Variants in RCAN2 observed in about 807,000 individuals in gnomAD.
RCAN2 encodes regulator of calcineurin 2.
Under a neutral mutation model 23.6 loss-of-function variants are expected in RCAN2, and 9 were observed. The ratio of observed to expected loss-of-function variants is 0.38; its 90% CI spans 0.23 to 0.67. The LOEUF is 0.67. RCAN2 is among the 30% of genes least tolerant of loss of function. RCAN2 has a pLI of 0.51. For synonymous variants in RCAN2, 109 were observed against 115.7 expected, an observed-to-expected ratio of 0.94 and a Z score of 0.37; for missense variants, 273 against 302.3, an observed-to-expected ratio of 0.90 and a Z score of 0.72.
At chr6:46,241,565 T>A (rs1766306756) in intron 4 of RCAN2, among the ~76,000 whole-genome samples, 1 of 152,194 alleles carries the variant, frequency 6.6e-6, no homozygotes, top group African/African-American at 2.4e-5. Context: ...AGAAATAAAA[T>A]GTGAGGGAAC....
chr6:46,403,709 T>C (rs1442633116), intron 2 of RCAN2, among the ~76,000 whole-genome samples: 1 of 152,092 alleles, frequency 6.6e-6, no homozygotes, highest in African/African-American at 2.4e-5. Flanking sequence ...CTAGAAAATA[T>C]TTTTCATTCC....
intron 2 of RCAN2, among the ~76,000 whole-genome samples, chr6:46,448,864 C>G (rs1418679104): frequency 1.3e-5 from 2 of 151,810 alleles, no homozygotes; most frequent in Non-Finnish European, 3.0e-5. Context: ...AAACTCACAG[C>G]TGACAGCATA....
At chr6:46,469,138 G>C (rs1768480704) in intron 1 of RCAN2, among the ~76,000 whole-genome samples, 1 of 152,254 alleles carries the variant, frequency 6.6e-6, no homozygotes, top group Admixed American at 6.5e-5. Context: ...AGATGGAGCT[G>C]TCTGCCCTTG....
intron 2 of RCAN2, among the ~76,000 whole-genome samples, chr6:46,401,389 G>T (rs993219985): frequency 6.6e-6 from 1 of 152,156 alleles, no homozygotes; most frequent in Admixed American, 6.5e-5. Flanking sequence ...GTTTGAACAT[G>T]GGGGAGACAG....
chr6:46,435,123 A>G (rs942254177), intron 2 of RCAN2, among the ~76,000 whole-genome samples: 4 of 152,250 alleles, frequency 2.6e-5, no homozygotes, highest in African/African-American at 9.6e-5. Context: ...AGTATTATAC[A>G]AATGACAACC....
At chr6:46,353,657 A>G (rs1764736084) in intron 2 of RCAN2, among the ~76,000 whole-genome samples, 1 of 152,086 alleles carries the variant, frequency 6.6e-6, no homozygotes, top group South Asian at 2.1e-4. Flanking sequence ...AGGGTTATTC[A>G]TTACTCCCAC....
intron 4 of RCAN2, among the ~76,000 whole-genome samples, chr6:46,234,257 G>C (rs1348244981): frequency 1.3e-5 from 2 of 152,126 alleles, no homozygotes; most frequent in Non-Finnish European, 2.9e-5. Context: ...TTCTATTCTT[G>C]GACACTTTCT....
chr6:46,415,322 A>G (rs1362551064), intron 2 of RCAN2, among the ~76,000 whole-genome samples: 1 of 152,194 alleles, frequency 6.6e-6, no homozygotes, highest in Non-Finnish European at 1.5e-5. Context: ...GACAGTCTGA[A>G]TCAAACATGT....
chr6:46,467,079 AC>A (rs1319442565), intron 1 of RCAN2, among the ~76,000 whole-genome samples: 1 of 152,000 alleles, frequency 6.6e-6, no homozygotes, highest in Non-Finnish European at 1.5e-5. Context: ...TTGCGCTTGC[AC>A]CTCTTGGGAC....
intron 2 of RCAN2, among the ~76,000 whole-genome samples, chr6:46,417,274 G>C (rs780615739): frequency 4.6e-5 from 7 of 152,150 alleles, no homozygotes; most frequent in Non-Finnish European, 7.4e-5. Context: ...CTGAGTGTTA[G>C]CTTCATTCAC....
At chr6:46,332,757 T>C (rs1292777485) in intron 2 of RCAN2, among the ~76,000 whole-genome samples, 3 of 152,132 alleles carry the variant, frequency 2.0e-5, no homozygotes, top group Non-Finnish European at 4.4e-5. Flanking sequence ...TGAATAGTGC[T>C]GCAATAAACA....
rs181348260 is a variant in RCAN2 at position 46,461,390 on chromosome 6, C to G, written c.-2-4412G>C. On this transcript the variant is annotated intron_variant, in intron 1 of 4. Transcript: ENST00000371374. ...TTTGGAAAGCATAAGTTTCCATCAC[C>G]TTATGCATGTGGAAAAGAAAAACCA... Among the ~76,000 whole-genome samples, 3 of 152,162 alleles carry G rather than the reference C, an allele frequency of 2.0e-5. No homozygotes were observed. The East Asian group carries it at 5.8e-4, about 29-fold the overall frequency.
chr6:46,436,376 C>A (rs917371062), intron 2 of RCAN2, among the ~76,000 whole-genome samples: 4 of 152,208 alleles, frequency 2.6e-5, no homozygotes, highest in Admixed American at 2.0e-4. Flanking sequence ...GCATGCCCGG[C>A]TAATTTTTTT....
chr6:46,456,698 T>C lies in RCAN2; in HGVS notation c.225+54A>G, dbSNP rs1768042583. The C allele has an allele frequency of 6.3e-6, 8 of 1,262,172 alleles. No individual in the cohort carries two copies. The South Asian group carries it at 7.8e-5, about 12-fold the overall frequency. The allele number at this position is 1,262,172 out of a possible 1,614,324, so 78.2% of individuals were successfully genotyped here. A position where few individuals can be genotyped will look rare whatever the true frequency, so the allele number is the denominator to read the frequency against. On this transcript the variant is annotated intron_variant, in intron 2 of 4. Transcript: ENST00000371374. ...AACCACAAATGAACAACAGGATTACTTGGAGATAATGCCATATCTCCCCAT... is the reference window on the plus strand; with the variant it reads ...AACCACAAATGAACAACAGGATTACCTGGAGATAATGCCATATCTCCCCAT...
chr6:46,479,070 C>T (rs561133110), intron 1 of RCAN2, among the ~76,000 whole-genome samples: 2 of 152,160 alleles, frequency 1.3e-5, no homozygotes, highest in African/African-American at 2.4e-5. Flanking sequence ...CCTTTACTGT[C>T]CCAGATAATA....
At chr6:46,386,630 A>AC in intron 2 of RCAN2, among the ~76,000 whole-genome samples, 1 of 150,714 alleles carries the variant, frequency 6.6e-6, no homozygotes, top group South Asian at 2.1e-4. Context: ...AAAAAAAAAA[A>AC]CTAAACTAAA....
At chr6:46,236,884 G>A (rs1199494262) in intron 4 of RCAN2, among the ~76,000 whole-genome samples, 1 of 152,200 alleles carries the variant, frequency 6.6e-6, no homozygotes, top group Non-Finnish European at 1.5e-5. Flanking sequence ...CCAGGCACAG[G>A]AAAGTCTGTA....
chr6:46,316,030 C>A (rs1763425500), intron 2 of RCAN2, among the ~76,000 whole-genome samples: 1 of 152,154 alleles, frequency 6.6e-6, no homozygotes, highest in Non-Finnish European at 1.5e-5. Flanking sequence ...CCAAACTGAG[C>A]CAGTCCCTTC....
At chr6:46,366,115 C>T (rs117472310) in intron 2 of RCAN2, among the ~76,000 whole-genome samples, 2,602 of 152,278 alleles carry the variant, frequency 0.017, 54 homozygotes, top group South Asian at 0.12. Flanking sequence ...ACTACTATTT[C>T]CTACAGCCAA....
Sources: allele counts gnomAD v4.1 joint callset (sites outside exome capture counted in the v4.1 genomes callset), GRCh38; gene constraint gnomAD v4.1.1; transcripts MANE v1.5; gene names NCBI Gene and HGNC (gene_info 2026-07-23, HGNC 2026-07-21).